Variants in RGL1 observed in about 807,000 individuals in gnomAD.
The protein encoded by RGL1 is ral guanine nucleotide dissociation stimulator like 1.
In RGL1, 24 loss-of-function variants were observed where a neutral mutation model predicts 95.2. That is an observed-to-expected ratio of 0.25 (90% CI 0.18 to 0.35). The LOEUF is 0.35. RGL1 is among the 10% of genes least tolerant of loss of function. The pLI, the probability that RGL1 is intolerant of heterozygous loss-of-function variation, is 1.00. For missense variants in RGL1, 715 were observed against 936.3 expected (o/e 0.76, Z 3.08); for synonymous variants, 329 against 344.9 (o/e 0.95, Z 0.51).
At chr1:183,665,340 G>A (rs1232034040) in intron 1 of RGL1, among the ~76,000 whole-genome samples, 1 of 149,424 alleles carries the variant, frequency 6.7e-6, no homozygotes, top group African/African-American at 2.6e-5. Flanking sequence ...AGAGATATTG[G>A]TCTGTAGTTT....
intron 7 of RGL1, 134 bp downstream of exon 7, chr1:183,885,072 G>A (rs981801205): frequency 2.7e-6 from 2 of 732,572 alleles, no homozygotes; most frequent in African/African-American, 1.8e-5. Context: ...CTGGGTTTTT[G>A]TTGTTCTTCC....
chr1:183,667,166 T>C (rs1652097843), intron 1 of RGL1, among the ~76,000 whole-genome samples: 1 of 152,238 alleles, frequency 6.6e-6, no homozygotes, highest in African/African-American at 2.4e-5. Context: ...TTTCGATTAT[T>C]ATTAGCATGG....
At chr1:183,918,656 C>G (rs186385087) in intron 16 of RGL1, among the ~76,000 whole-genome samples, 16 of 152,282 alleles carry the variant, frequency 1.1e-4, no homozygotes, top group African/African-American at 3.6e-4. Flanking sequence ...GGGTAGTGAG[C>G]AGAAGATCCC....
intron 1 of RGL1, among the ~76,000 whole-genome samples, chr1:183,719,393 G>A (rs368647020): frequency 2.6e-5 from 4 of 152,106 alleles, no homozygotes; most frequent in African/African-American, 7.2e-5. Context: ...CCCTGTGCAC[G>A]TGTACCTCTA....
At chr1:183,708,246 G>T (rs867772433) in intron 1 of RGL1, among the ~76,000 whole-genome samples, 1 of 152,100 alleles carries the variant, frequency 6.6e-6, no homozygotes, top group African/African-American at 2.4e-5. Context: ...CCATAACGGA[G>T]GGTAGGCTCG....
chr1:183,819,783 A>G (rs1465931530), intron 2 of RGL1, among the ~76,000 whole-genome samples: 4 of 136,442 alleles, frequency 2.9e-5, no homozygotes, highest in Admixed American at 7.4e-5. Context: ...GCAACATTAT[A>G]CTTTTTTTTT....
intron 2 of RGL1, among the ~76,000 whole-genome samples, chr1:183,772,994 C>T (rs1159732428): frequency 3.3e-5 from 4 of 119,762 alleles, no homozygotes; most frequent in South Asian, 2.9e-4. Flanking sequence ...CCGGCCTGGG[C>T]GACAGAGCAA....
At chr1:183,638,969 A>G (rs1649729405) in intron 1 of RGL1, among the ~76,000 whole-genome samples, 1 of 152,216 alleles carries the variant, frequency 6.6e-6, no homozygotes, top group Admixed American at 6.5e-5. Flanking sequence ...TTGCCACTAA[A>G]TACTTAAACA....
At chr1:183,712,347 G>T (rs905565092) in intron 1 of RGL1, among the ~76,000 whole-genome samples, 1 of 152,252 alleles carries the variant, frequency 6.6e-6, no homozygotes, top group Non-Finnish European at 1.5e-5. Context: ...AGAAACTTCA[G>T]TGGCTAGAAG....
At position 183,901,256 on chromosome 1, in the gene RGL1, G is replaced by C. The variant is rs143363637; in HGVS notation, c.1317+1020G>C. Reference sequence around the variant, plus strand: ...GGAGGTTGCAGTGAGCCGAGATTGCGCCACTGCACTTCAGCCTGGGTGACA... The same window carrying C: ...GGAGGTTGCAGTGAGCCGAGATTGCCCCACTGCACTTCAGCCTGGGTGACA... On this transcript the variant is annotated intron_variant, in intron 11 of 17. Coordinates refer to ENST00000360851, the MANE Select transcript of RGL1 (RefSeq NM_001297671.3). Among the ~76,000 whole-genome samples the C allele has an allele frequency of 8.3e-3, 1,260 of 152,126 alleles. 18 individuals are homozygous for C. The highest frequency in any genetic ancestry group is 0.029 in the African/African-American group (1,205 of 41,490).
At chr1:183,819,436 A>G (rs10494568) in intron 2 of RGL1, among the ~76,000 whole-genome samples, 46,815 of 152,112 alleles carry the variant, frequency 0.31, 7,631 homozygotes, top group African/African-American at 0.36. Flanking sequence ...TCATTAGTAC[A>G]ACTCAATTCC....
intron 1 of RGL1, among the ~76,000 whole-genome samples, chr1:183,659,880 G>A (rs376368584): frequency 0.029 from 4,117 of 139,574 alleles, 211 homozygotes; most frequent in African/African-American, 0.091. Context: ...TCTAGAAGCC[G>A]GAAGAGAGTG....
chr1:183,741,934 C>T lies in RGL1; in HGVS notation c.-32-192C>T, dbSNP rs114079183. Among the ~76,000 whole-genome samples the T allele has an allele frequency of 6.0e-3, 916 of 152,254 alleles. 5 individuals are homozygous for T. The highest frequency in any genetic ancestry group is 8.7e-3 in the Non-Finnish European group (593 of 68,022). ...TGCCATTATCAGAATGCATTCTTAC[C>T]TCCCAAAGCCTGCATTAAAATACCA... On this transcript the variant is annotated intron_variant, in intron 1 of 18. Coordinates refer to the RGL1 transcript ENST00000304685.
chr1:183,745,285 A>G lies in RGL1; in HGVS notation c.132+2996A>G, dbSNP rs566167267. ...CTAAACAATCCTTTTTATTGATTTC[A>G]TGCACTAAAACAATATTTTCCCACT... On this transcript the variant is annotated intron_variant, in intron 2 of 18. Coordinates refer to the RGL1 transcript ENST00000304685. 8.5e-5 allele frequency among the ~76,000 whole-genome samples: 13 copies of G among 152,240 alleles called. No homozygotes were observed. In the South Asian group the frequency reaches 2.7e-3, roughly 32 times the overall value.
chr1:183,888,335 T>A, intron 7 of RGL1, 139 bp from the exon 8 acceptor site: 1 of 555,488 alleles, frequency 1.8e-6, no homozygotes, highest in South Asian at 3.2e-5. Context: ...AGCCACTTTT[T>A]GATGTTCACT....
intron 2 of RGL1, among the ~76,000 whole-genome samples, chr1:183,837,551 C>T (rs1442778867): frequency 6.6e-6 from 1 of 151,452 alleles, no homozygotes; most frequent in Non-Finnish European, 1.5e-5. Flanking sequence ...AAACTCCTCT[C>T]CCTCCGTGCA....
At chr1:183,903,209 T>C (rs965239991) in intron 12 of RGL1, among the ~76,000 whole-genome samples, 1 of 152,088 alleles carries the variant, frequency 6.6e-6, no homozygotes, top group African/African-American at 2.4e-5. Flanking sequence ...GTAAATGACA[T>C]AGAAGAGTTA....
chr1:183,809,953 T>A (rs1325153270), intron 2 of RGL1, among the ~76,000 whole-genome samples: 2 of 152,090 alleles, frequency 1.3e-5, no homozygotes, highest in Non-Finnish European at 2.9e-5. Context: ...TGAGACTCTG[T>A]CTCTTAAAAA....
intron 4 of RGL1, among the ~76,000 whole-genome samples, chr1:183,880,016 A>G (rs914552142): frequency 6.6e-6 from 1 of 152,192 alleles, no homozygotes; most frequent in Admixed American, 6.5e-5. Context: ...TAACTTCTCT[A>G]CCTACTGTTT....
Sources: allele counts gnomAD v4.1 joint callset (sites outside exome capture counted in the v4.1 genomes callset), GRCh38; gene constraint gnomAD v4.1.1; transcripts MANE v1.5; gene names NCBI Gene and HGNC (gene_info 2026-07-23, HGNC 2026-07-21).